Variants in NCBP1 observed in about 807,000 individuals in gnomAD.
NCBP1 encodes the protein nuclear cap-binding protein subunit 1.
In NCBP1, 16 loss-of-function variants were observed where a neutral mutation model predicts 111.7. That is an observed-to-expected ratio of 0.14 (90% CI 0.10 to 0.22). NCBP1 has a LOEUF of 0.22. Ranked by LOEUF, NCBP1 falls within the 10% of genes least tolerant of loss-of-function variation. The probability of loss-of-function intolerance (pLI) is 1.00; values close to 1 mark genes in which losing one functional copy is unlikely to be tolerated. For synonymous variants in NCBP1, 304 were observed against 314.3 expected, an observed-to-expected ratio of 0.97 and a Z score of 0.35; for missense variants, 607 against 957.5, an observed-to-expected ratio of 0.63 and a Z score of 4.83.
At chr9:97,660,860 A>G (rs1827814725) in intron 15 of NCBP1, 86 bp from the exon 16 acceptor site, 1 of 1,457,504 alleles carries the variant, frequency 6.9e-7, no homozygotes, top group Non-Finnish European at 9.1e-7. Flanking sequence ...GAATTTAAAA[A>G]AAATTTTTCT....
chr9:97,671,012 G>A, intron 22 of NCBP1, 74 bp from the exon 23 acceptor site: 3 of 972,424 alleles, frequency 3.1e-6, no homozygotes, highest in Non-Finnish European at 4.8e-6. Flanking sequence ...TGGGTGGGCT[G>A]CTGAAGGAAA....
chr9:97,641,691 G>T, intron 3 of NCBP1, 29 bp downstream of exon 3: 1 of 1,573,936 alleles, frequency 6.4e-7, no homozygotes, highest in Non-Finnish European at 8.7e-7. Context: ...TATGAATCCA[G>T]GTGATAATGT....
intron 8 of NCBP1, 29 bp from the exon 9 acceptor site, chr9:97,650,474 G>A (rs560272716): frequency 2.6e-6 from 4 of 1,513,214 alleles, no homozygotes; most frequent in African/African-American, 1.4e-5. Flanking sequence ...TTCTAGGCCT[G>A]TAGTGTACAC....
chr9:97,640,955 A>C, intron 2 of NCBP1, 73 bp downstream of exon 2: 5 of 1,194,748 alleles, frequency 4.2e-6, no homozygotes, highest in African/African-American at 1.6e-5. Flanking sequence ...TAATTTTTGC[A>C]GCTGAAAAGT....
intron 1 of NCBP1, among the ~76,000 whole-genome samples, chr9:97,637,563 G>GA (rs977464365): frequency 2.0e-5 from 3 of 152,042 alleles, no homozygotes; most frequent in African/African-American, 7.2e-5. Context: ...CTTAACTAAA[G>GA]AAAAAAATAG....
intron 10 of NCBP1, among the ~76,000 whole-genome samples, chr9:97,653,203 C>T (rs1827549037): frequency 6.6e-6 from 1 of 150,448 alleles, no homozygotes; most frequent in Admixed American, 6.7e-5. Flanking sequence ...TCAGTGCAAC[C>T]TCCGCCTCCT....
chr9:97,645,270 T>C, intron 5 of NCBP1, 46 bp downstream of exon 5: 2 of 1,413,164 alleles, frequency 1.4e-6, no homozygotes, highest in Non-Finnish European at 2.0e-6. Flanking sequence ...CTTGAGGGGT[T>C]ACTGAATCCT....
At chr9:97,639,322 T>G (rs760650420) in intron 1 of NCBP1, among the ~76,000 whole-genome samples, 9 of 152,154 alleles carry the variant, frequency 5.9e-5, no homozygotes, top group African/African-American at 9.7e-5. Context: ...AGTAATAGAT[T>G]CGTTTTATTC....
At chr9:97,665,750 G>A (rs1827978986) in intron 19 of NCBP1, among the ~76,000 whole-genome samples, 1 of 147,658 alleles carries the variant, frequency 6.8e-6, no homozygotes. Flanking sequence ...CACCGACTTC[G>A]CCCCACCCAC....
At chr9:97,636,637 C>CAT (rs377027165) in intron 1 of NCBP1, among the ~76,000 whole-genome samples, 9,302 of 110,732 alleles carry the variant, frequency 0.084, 390 homozygotes, top group East Asian at 0.11. Context: ...GAAAGTAATA[C>CAT]ATATATATAT....
chr9:97,653,151 C>A (rs1281946438), intron 10 of NCBP1, among the ~76,000 whole-genome samples: 1 of 138,742 alleles, frequency 7.2e-6, no homozygotes, highest in East Asian at 2.1e-4. Flanking sequence ...GATGGAGTCT[C>A]GCTCTGTCGC....
intron 18 of NCBP1, among the ~76,000 whole-genome samples, 170 bp from the exon 19 acceptor site, chr9:97,664,170 C>T (rs1336529258): frequency 6.6e-6 from 1 of 151,996 alleles, no homozygotes; most frequent in Admixed American, 6.5e-5. Context: ...CAGAGCAACT[C>T]TGTCTCCCAA....
chr9:97,657,926 A>ATT (rs57402675), intron 14 of NCBP1, among the ~76,000 whole-genome samples: 9 of 91,400 alleles, frequency 9.8e-5, no homozygotes, highest in East Asian at 6.1e-4. Flanking sequence ...ATATATATAT[A>ATT]TTTTTTTTTT....
intron 1 of NCBP1, among the ~76,000 whole-genome samples, chr9:97,634,152 C>T (rs1465420133): frequency 6.6e-6 from 1 of 152,238 alleles, no homozygotes; most frequent in Non-Finnish European, 1.5e-5. Flanking sequence ...GCCTGGTGAA[C>T]CCCATGGGTA....
chr9:97,663,632 C>T (rs1396026776), intron 18 of NCBP1, among the ~76,000 whole-genome samples: 2 of 151,714 alleles, frequency 1.3e-5, no homozygotes, highest in Non-Finnish European at 2.9e-5. Context: ...TTACAGGCGT[C>T]CACCACCACA....
chr9:97,663,234 T>G (rs1827891114), intron 18 of NCBP1, among the ~76,000 whole-genome samples, 187 bp downstream of exon 18: 1 of 152,210 alleles, frequency 6.6e-6, no homozygotes, highest in Admixed American at 6.5e-5. Flanking sequence ...GAGTAAGCAT[T>G]ATTATGATTT....
chr9:97,671,257 T>C lies in NCBP1; in HGVS notation c.*58T>C, dbSNP rs1243217757. On this transcript the variant is annotated 3_prime_UTR_variant, in exon 23 of 23. Transcript: ENST00000375147. ...TGATATCTTAAAATAATTTGTCTTA[T>C]TTTTTGATGGTTTGAATGCTTGCTT... is the stretch of plus-strand genomic sequence containing the variant. 2 of 1,277,532 alleles carry C rather than the reference T, an allele frequency of 1.6e-6. No homozygotes were observed. The highest frequency in any genetic ancestry group is 2.0e-5 in the Admixed American group (1 of 50,010). 79.1% of individuals were successfully genotyped at this position (1,277,532 alleles called of 1,614,324 possible). A position where few individuals can be genotyped will look rare whatever the true frequency, so the allele number is the denominator to read the frequency against.
chr9:97,646,315 A>G (rs571041586), intron 6 of NCBP1, among the ~76,000 whole-genome samples: 1 of 152,320 alleles, frequency 6.6e-6, no homozygotes, highest in African/African-American at 2.4e-5. Flanking sequence ...TCCTAAGCCA[A>G]TGTAAAAGCT....
chr9:97,643,153 CT>C, intron 3 of NCBP1, 50 bp from the exon 4 acceptor site: 1 of 1,517,836 alleles, frequency 6.6e-7, no homozygotes, highest in Non-Finnish European at 8.8e-7. Context: ...AATTCAGCAA[CT>C]TAACGCCATT....
Sources: allele counts gnomAD v4.1 joint callset (sites outside exome capture counted in the v4.1 genomes callset), GRCh38; gene constraint gnomAD v4.1.1; transcripts MANE v1.5; gene names NCBI Gene and HGNC (gene_info 2026-07-23, HGNC 2026-07-21).